Variants in NAV3 observed in about 807,000 individuals in gnomAD.
The protein encoded by NAV3 is pore membrane and/or filament interacting like protein 1.
Under a neutral mutation model 244.7 loss-of-function variants are expected in NAV3, and 87 were observed. That is an observed-to-expected ratio of 0.36 (90% CI 0.30 to 0.42). The LOEUF (loss-of-function observed/expected upper bound fraction) is 0.42, where lower values mean the gene tolerates loss of function less well. Among genes scored for constraint, NAV3 ranks in the 20% least tolerant of loss-of-function variants. The probability of loss-of-function intolerance (pLI) is 1.00; values close to 1 mark genes in which losing one functional copy is unlikely to be tolerated. For synonymous variants in NAV3, 1,126 were observed against 1,042.2 expected (o/e 1.08, Z -1.55); for missense variants, 2,663 against 2,893.3 (o/e 0.92, Z 1.83).
At chr12:77,976,662 C>CTTTTTTTTTTTTTTTTTTTTTTT (rs869100684) in intron 5 of NAV3, among the ~76,000 whole-genome samples, 2 of 77,398 alleles carry the variant, frequency 2.6e-5, no homozygotes, top group Non-Finnish European at 5.1e-5. Flanking sequence ...TTCTTTCTTT[C>CTTTTTTTTTTTTTTTTTTTTTTT]TTTCTTTTTT....
chr12:77,633,638 A>G (rs1323977558), intron 2 of NAV3, among the ~76,000 whole-genome samples: 2 of 152,164 alleles, frequency 1.3e-5, no homozygotes, highest in African/African-American at 4.8e-5. Flanking sequence ...CCAAAAAAAT[A>G]CTATTTTATG....
chr12:77,832,019 G>GA (rs1873797268), intron 1 of NAV3, among the ~76,000 whole-genome samples: 2 of 152,160 alleles, frequency 1.3e-5, no homozygotes, highest in Admixed American at 1.3e-4. Flanking sequence ...ACAAATGTGA[G>GA]AAAAAGAGAA....
At chr12:77,735,079 T>C (rs985341453) in intron 2 of NAV3, among the ~76,000 whole-genome samples, 2 of 152,152 alleles carry the variant, frequency 1.3e-5, no homozygotes, top group African/African-American at 4.8e-5. Flanking sequence ...GGCTCTTACA[T>C]AGTATTGTGT....
intron 2 of NAV3, among the ~76,000 whole-genome samples, chr12:77,573,585 T>C (rs1002161487): frequency 2.0e-5 from 3 of 152,122 alleles, no homozygotes; most frequent in African/African-American, 7.2e-5. Context: ...GGCACTGGAG[T>C]GTTTACCCAG....
At position 78,018,856 on chromosome 12, in the gene NAV3, A is replaced by G. The variant is rs931233253; in HGVS notation, c.1908-2891A>G. 3.9e-5 allele frequency among the ~76,000 whole-genome samples: 6 copies of G among 152,128 alleles called. No individual in the cohort carries two copies. The South Asian group carries it at 1.2e-3, about 31-fold the overall frequency. The stretch of plus-strand genomic sequence containing the variant: ...TTGTTTTTCCCTTCGTTCAGAGACA[A>G]TAGGTTAGGCAAGAGGTCAGCGAGG... On this transcript the variant is annotated intron_variant, in intron 8 of 39. Transcript: ENST00000397909.
chr12:77,777,807 C>T (rs1475190240), intron 2 of NAV3, among the ~76,000 whole-genome samples: 2 of 150,666 alleles, frequency 1.3e-5, no homozygotes, highest in African/African-American at 2.4e-5. Flanking sequence ...CTTTTTTTTT[C>T]TTTTTTCTTT....
chr12:77,995,138 A>G (rs1358369914), intron 6 of NAV3, among the ~76,000 whole-genome samples: 3 of 152,148 alleles, frequency 2.0e-5, no homozygotes, highest in Admixed American at 2.0e-4. Context: ...AGAATCAATC[A>G]AGGAAACCAT....
At position 78,177,181 on chromosome 12, in the gene NAV3, C is replaced by A; in HGVS notation, c.5165C>A (p.Ser1722Tyr). The A allele has an allele frequency of 6.2e-7, 1 of 1,613,380 alleles. No homozygotes were observed. The highest frequency in any genetic ancestry group is 1.3e-5 in the African/African-American group (1 of 74,956). Residue 1722 changes from serine to tyrosine, a missense_variant, in exon 27 of 40, where the codon TCC becomes TAC. Around this residue, in one of 6 missense-constraint regions of NAV3, gnomAD observed 193 missense variants for 200.7 expected, o/e 0.96. Transcript: ENST00000397909. ...AAACAAGCCTTTGGGAAGAAAAAGT[C>A]CACCAAGCCTCCTTCATCACATTCT... ...SFKQAFGKKK[S>Y]TKPPSSHSDI... is the part of the protein sequence containing the mutation.
intron 2 of NAV3, among the ~76,000 whole-genome samples, chr12:77,632,233 C>T (rs1304570140): frequency 6.6e-6 from 1 of 152,068 alleles, no homozygotes; most frequent in Non-Finnish European, 1.5e-5. Context: ...ATGAAGCATG[C>T]TTTTGATGTT....
At chr12:77,909,531 T>A (rs1161111685) in intron 1 of NAV3, among the ~76,000 whole-genome samples, 2 of 152,100 alleles carry the variant, frequency 1.3e-5, no homozygotes, top group African/African-American at 4.8e-5. Context: ...GCAGATTAGC[T>A]TGTTATTTAT....
chr12:77,647,680 A>C (rs1872661877), intron 2 of NAV3, among the ~76,000 whole-genome samples: 1 of 152,136 alleles, frequency 6.6e-6, no homozygotes, highest in Admixed American at 6.5e-5. Context: ...TTTTACAGTT[A>C]GTACTGTTGT....
At chr12:78,191,500 T>A (rs1196279466) in intron 34 of NAV3, among the ~76,000 whole-genome samples, 4 of 152,140 alleles carry the variant, frequency 2.6e-5, no homozygotes, top group Admixed American at 6.6e-5. Flanking sequence ...ATATGTGTCC[T>A]TCAAAAACAA....
intron 1 of NAV3, among the ~76,000 whole-genome samples, chr12:77,838,709 AT>A (rs1467619247): frequency 2.0e-5 from 3 of 152,208 alleles, no homozygotes; most frequent in African/African-American, 7.2e-5. Context: ...ATGCTATCAA[AT>A]CACCAACAAT....
intron 2 of NAV3, among the ~76,000 whole-genome samples, chr12:77,749,836 A>G (rs1868749444): frequency 6.6e-6 from 1 of 152,148 alleles, no homozygotes; most frequent in Non-Finnish European, 1.5e-5. Context: ...GGTCTAAAAG[A>G]GGCTGACCAG....
chr12:78,093,494 G>A (rs1954071269), intron 12 of NAV3, among the ~76,000 whole-genome samples: 2 of 152,138 alleles, frequency 1.3e-5, no homozygotes, highest in Admixed American at 6.5e-5. Flanking sequence ...AGGGCATGAC[G>A]TTGTAATGGA....
At chr12:77,614,984 T>C (rs1380024214) in intron 2 of NAV3, among the ~76,000 whole-genome samples, 1 of 152,166 alleles carries the variant, frequency 6.6e-6, no homozygotes, top group East Asian at 1.9e-4. Context: ...AGCTGAGCCC[T>C]GGATGAGAAG....
chr12:77,780,804 C>G (rs1420653742), intron 2 of NAV3, among the ~76,000 whole-genome samples: 1 of 152,068 alleles, frequency 6.6e-6, no homozygotes. Context: ...AGTAAGTTCT[C>G]TAAGAAAAGG....
chr12:78,125,411 T>C (rs1241116189), intron 16 of NAV3, among the ~76,000 whole-genome samples: 1 of 152,214 alleles, frequency 6.6e-6, no homozygotes, highest in Non-Finnish European at 1.5e-5. Flanking sequence ...AACAGTTTTC[T>C]CTTCTGCAGC....
intron 4 of NAV3, 135 bp from the exon 5 acceptor site, chr12:77,968,384 G>A: frequency 2.9e-6 from 2 of 699,790 alleles, no homozygotes; most frequent in Non-Finnish European, 4.8e-6. Context: ...GTTTGTTTGT[G>A]ATTCAACTGT....
Sources: allele counts gnomAD v4.1 joint callset (sites outside exome capture counted in the v4.1 genomes callset), GRCh38; gene constraint gnomAD v4.1.1; regional missense constraint gnomAD v4.1.1; transcripts MANE v1.5; gene names NCBI Gene and HGNC (gene_info 2026-07-23, HGNC 2026-07-21).